TSHR: variants seen among roughly 807,000 people sequenced by gnomAD.
TSHR encodes thyroid stimulating hormone receptor.
A neutral mutation model predicts 64.1 loss-of-function variants in TSHR; 51 were observed. The observed-to-expected ratio is 0.80, with a 90% CI of 0.64 to 1.01. TSHR has a LOEUF of 1.01. Ranked by LOEUF, TSHR falls within the 50% of genes least tolerant of loss-of-function variation. TSHR has a pLI of 0.00. For synonymous variants in TSHR, 361 were observed against 361.9 expected, an observed-to-expected ratio of 1.00 and a Z score of 0.03; for missense variants, 877 against 942.8, an observed-to-expected ratio of 0.93 and a Z score of 0.91.
rs1286725866 is a variant in TSHR at position 80,983,491 on chromosome 14, CA to C, written c.170+27645del. ...AAACTCATCTTTAACCATAAAGAGG[CA>C]AAAGCCAGTCTTGTTAGTGGTGTGG... On this transcript the variant is annotated intron_variant, in intron 1 of 9. Transcript: ENST00000298171. The C allele has an allele frequency of 9.6e-6, 13 of 1,354,596 alleles. No individual in the cohort carries two copies. In the East Asian group the frequency reaches 3.0e-4, roughly 31 times the overall value. The allele number at this position is 1,354,596 out of a possible 1,614,324, so 83.9% of individuals were successfully genotyped here.
At chr14:81,087,904 G>A (rs764278601) in intron 3 of TSHR, 50 bp from the exon 4 acceptor site, 1 of 1,311,762 alleles carries the variant, frequency 7.6e-7, no homozygotes, top group Non-Finnish European at 1.1e-6. Context: ...TCTTTGATAA[G>A]AACAGATACG....
chr14:80,970,541 G>C (rs1480641053), intron 1 of TSHR, among the ~76,000 whole-genome samples: 1 of 152,198 alleles, frequency 6.6e-6, no homozygotes, highest in Non-Finnish European at 1.5e-5. Context: ...GGACCTGCTG[G>C]CGAGTCCACA....
chr14:81,116,144 A>G (rs1890496577), intron 8 of TSHR, among the ~76,000 whole-genome samples: 2 of 151,968 alleles, frequency 1.3e-5, no homozygotes. Flanking sequence ...ATAACCAGCT[A>G]ACATCAGAAT....
At chr14:81,142,269 T>C (rs1434527541) in intron 9 of TSHR, among the ~76,000 whole-genome samples, 1 of 152,122 alleles carries the variant, frequency 6.6e-6, no homozygotes, top group Non-Finnish European at 1.5e-5. Context: ...TCAGTAGAGA[T>C]GGGGTTTCAC....
At chr14:81,052,400 T>C (rs1885486839) in intron 1 of TSHR, 1 of 152,226 alleles carries the variant, frequency 6.6e-6, no homozygotes, top group Non-Finnish European at 1.5e-5. Context: ...ATTCGATTCA[T>C]TGATGTGTCT....
At chr14:81,053,398 C>T in intron 1 of TSHR, 1 of 152,204 alleles carries the variant, frequency 6.6e-6, no homozygotes, top group East Asian at 1.9e-4. Context: ...TCCCATGACC[C>T]AATCAAGCTA....
At chr14:81,104,927 T>A (rs1889800955) in intron 7 of TSHR, 1 of 985,470 alleles carries the variant, frequency 1.0e-6, no homozygotes, top group East Asian at 1.1e-4. Flanking sequence ...ATCTTATTTT[T>A]AAAGGAAATA....
chr14:81,070,671 T>C lies in TSHR; in HGVS notation c.317+2343T>C, dbSNP rs879428880. Among the ~76,000 whole-genome samples the C allele has an allele frequency of 3.8e-5, 2 of 52,894 alleles. 1 individual carries two copies. The highest frequency in any genetic ancestry group is 3.3e-4 in the Admixed American group (2 of 5,994). The allele number at this position is 52,894 out of a possible 152,430, so 34.7% of individuals were successfully genotyped here. A position where few individuals can be genotyped will look rare whatever the true frequency, so the allele number is the denominator to read the frequency against. ...AAAAAAGCAGCAAGGAAATAATAAA[T>C]AATACTTTCAAGGATGTAACAAGAC... On this transcript the variant is annotated intron_variant, in intron 3 of 9. Coordinates refer to ENST00000298171, the MANE Select transcript of TSHR (RefSeq NM_000369.5).
At chr14:81,035,228 A>C (rs1335204738) in intron 1 of TSHR, among the ~76,000 whole-genome samples, 1 of 152,190 alleles carries the variant, frequency 6.6e-6, no homozygotes, top group Non-Finnish European at 1.5e-5. Context: ...CCTTCTGGGA[A>C]ATAATACACA....
intron 7 of TSHR, among the ~76,000 whole-genome samples, chr14:81,099,897 T>C (rs1161116544): frequency 6.6e-6 from 1 of 152,232 alleles, no homozygotes; most frequent in Admixed American, 6.5e-5. Flanking sequence ...CAGGAAGTGT[T>C]AGTGTGCTAA....
chr14:80,998,767 T>C (rs1297852565), intron 1 of TSHR, among the ~76,000 whole-genome samples: 1 of 152,082 alleles, frequency 6.6e-6, no homozygotes, highest in Non-Finnish European at 1.5e-5. Flanking sequence ...GGACATATTT[T>C]ATAAGGATAA....
rs186034958 is a variant in TSHR, at chr14:80,982,473, G to A, written c.170+26623G>A. The A allele has an allele frequency of 1.3e-3, 1,434 of 1,086,720 alleles. 2 individuals carry two copies. The highest frequency in any genetic ancestry group is 1.4e-3 in the Non-Finnish European group (1,105 of 793,408). 67.3% of individuals were successfully genotyped at this position (1,086,720 alleles called of 1,614,324 possible). A position where few individuals can be genotyped will look rare whatever the true frequency, so the allele number is the denominator to read the frequency against. ...TGACTGGGGCCAGTTGCAAACCTAGGTCTGGGGCTGAGGAAGAGGAGGAAG... is the reference window on the plus strand; with the variant it reads ...TGACTGGGGCCAGTTGCAAACCTAGATCTGGGGCTGAGGAAGAGGAGGAAG... On this transcript the variant is annotated intron_variant, in intron 1 of 9. Transcript: ENST00000298171.
intron 8 of TSHR, among the ~76,000 whole-genome samples, chr14:81,122,020 CTTTTTTTTTTTTTTTTTTTTTTTTTT>C (rs1161879777): frequency 4.5e-5 from 2 of 44,880 alleles, no homozygotes; most frequent in Non-Finnish European, 8.3e-5. Context: ...TTTTCTTTTC[CTTTTTTTTTTTTTTTTTTTTTTTTTT>C]TTTTTTTTTT....
chr14:81,019,623 C>A (rs1021637244), intron 1 of TSHR, among the ~76,000 whole-genome samples: 37 of 151,574 alleles, frequency 2.4e-4, no homozygotes, highest in Non-Finnish European at 2.9e-5. Flanking sequence ...TCCCACCCCC[C>A]AACAGGCCCC....
intron 3 of TSHR, among the ~76,000 whole-genome samples, chr14:81,079,746 C>G (rs1566798935): frequency 6.6e-6 from 1 of 151,596 alleles, no homozygotes; most frequent in Non-Finnish European, 1.5e-5. Context: ...GTCCCAGCTT[C>G]TCAGGAAGTT....
At chr14:80,982,901 G>T in intron 1 of TSHR, 1 of 514,702 alleles carries the variant, frequency 1.9e-6, no homozygotes, top group Non-Finnish European at 3.6e-6. Flanking sequence ...GAGGTAAATG[G>T]GATTAAGCCA....
intron 6 of TSHR, chr14:81,093,842 CT>C (rs1888950985): frequency 6.6e-6 from 1 of 152,252 alleles, no homozygotes; most frequent in South Asian, 2.1e-4. Flanking sequence ...AAGCCATTTA[CT>C]TCCTCAGTAA....
intron 1 of TSHR, chr14:80,982,529 G>A (rs1385918661): frequency 3.0e-6 from 3 of 1,008,494 alleles, no homozygotes; most frequent in Non-Finnish European, 4.2e-6. Context: ...TTTTGGGAAG[G>A]AGATGATGCT....
chr14:81,013,353 T>C (rs1002584447), intron 1 of TSHR: 3 of 152,242 alleles, frequency 2.0e-5, no homozygotes, highest in African/African-American at 7.2e-5. Flanking sequence ...AGCCTTGTAG[T>C]ATAGTTTGAA....
Sources: gnomAD v4.1 joint callset for allele counts (sites outside exome capture counted in the v4.1 genomes callset) on GRCh38, gnomAD v4.1.1 for gene constraint, MANE v1.5 for transcripts, NCBI Gene and HGNC (gene_info 2026-07-23, HGNC 2026-07-21) for gene names.